The following HMG20B variants were observed in gnomAD, a reference collection of about 807,000 sequenced individuals.
HMG20B encodes high mobility group 20B.
A neutral mutation model predicts 41.6 loss-of-function variants in HMG20B; 24 were observed. The observed-to-expected ratio is 0.58, with a 90% CI of 0.42 to 0.81. The LOEUF is 0.81. HMG20B is among the 30% of genes least tolerant of loss of function. The pLI is 0.00. For synonymous variants in HMG20B, 251 were observed against 186.6 expected (o/e 1.34, Z -2.81); for missense variants, 461 against 444.0 (o/e 1.04, Z -0.34).
Position 3,574,593 on chromosome 19 carries a change from G to A in HMG20B, c.351+7G>A. ...GCAGCCAACGGAAAAGCAGGTGGGC[G>A]GGGCGGGGCGCCGAGCAGGGCTGGC... On this transcript the variant is annotated splice_region_variant and intron_variant, in intron 4 of 9. Coordinates refer to ENST00000333651, the MANE Select transcript of HMG20B (RefSeq NM_006339.3). The A allele has an allele frequency of 6.3e-7, 1 of 1,583,080 alleles. No individual in the cohort carries two copies.
intron 6 of HMG20B, 83 bp from the exon 7 acceptor site, chr19:3,576,470 G>A (rs2032164606): frequency 1.4e-6 from 2 of 1,404,596 alleles, no homozygotes; most frequent in Non-Finnish European, 2.0e-6. Context: ...TGTCCCAGGA[G>A]ACCCTCCTAG....
chr19:3,578,143 G>T, intron 9 of HMG20B, 30 bp downstream of exon 9: 1 of 1,602,286 alleles, frequency 6.2e-7, no homozygotes. Context: ...GGGCGGGGCC[G>T]GGGTTCAAGG....
At position 3,578,031 on chromosome 19, in the gene HMG20B, C is replaced by G; in HGVS notation, c.859C>G (p.Leu287Val). 6.2e-7 allele frequency: 1 copy of G among 1,609,692 alleles called. No individual in the cohort carries two copies. Among genetic ancestry groups the G allele is most frequent in the East Asian group, 2.2e-5 (1 of 44,798 alleles). ...CACTCTGGACTTCTACATGGCCCGG[C>G]TTCACGGAGCCATCGAGCGCGACCC... Reference protein sequence around the residue: ...LGTLDFYMARLHGAIERDPAQ... With the variant: ...LGTLDFYMARVHGAIERDPAQ... The change falls in exon 9 of 10, where the codon CTT becomes GTT. Residue 287 changes from leucine (L) to valine (V), a missense_variant. By Grantham distance (32) the Leu-to-Val change is conservative. This residue lies in a region of HMG20B where 308 missense variants were observed against 283.4 expected (regional missense o/e 1.09). Coordinates refer to ENST00000333651, the MANE Select transcript of HMG20B (RefSeq NM_006339.3).
At chr19:3,575,717 G>A (rs1300792285) in intron 5 of HMG20B, 57 bp downstream of exon 5, 56 of 1,466,030 alleles carry the variant, frequency 3.8e-5, no homozygotes, top group African/African-American at 5.6e-5. Flanking sequence ...TTGGGAGGCC[G>A]AGGCGGGTGT....
At chr19:3,574,258 G>T in intron 3 of HMG20B, 125 bp from the exon 4 acceptor site, 1 of 882,752 alleles carries the variant, frequency 1.1e-6, no homozygotes. Context: ...TCTTTTCCGG[G>T]TTCTTCCTCC....
intron 4 of HMG20B, 145 bp downstream of exon 4, chr19:3,574,731 T>TGTGTG: frequency 1.4e-6 from 1 of 713,754 alleles, no homozygotes; most frequent in South Asian, 1.9e-5. Context: ...TTTTTTTTTT[T>TGTGTG]TTTGTGAGAT....
At chr19:3,575,481 G>T in intron 4 of HMG20B, 59 bp from the exon 5 acceptor site, 1 of 1,550,714 alleles carries the variant, frequency 6.4e-7, no homozygotes, top group South Asian at 1.2e-5. Context: ...GAGTGATAAA[G>T]ACTGGATCCT....
chr19:3,573,547 G>A (rs964587070), intron 2 of HMG20B, 145 bp from the exon 3 acceptor site: 4 of 906,516 alleles, frequency 4.4e-6, no homozygotes, highest in South Asian at 1.9e-5. Context: ...ACCTTCCCCG[G>A]ATACTGACCC....
At position 3,578,643 on chromosome 19, in the gene HMG20B, G is replaced by A. The variant is rs762603111; in HGVS notation, c.*122G>A. 4.8e-6 allele frequency: 6 copies of A among 1,256,124 alleles called. No homozygotes were observed. The highest frequency in any genetic ancestry group is 2.5e-5 in the East Asian group (1 of 39,614). 77.8% of individuals were successfully genotyped at this position (1,256,124 alleles called of 1,614,324 possible). The stretch of plus-strand genomic sequence containing the variant: ...CCTGGTCCCATCCTGCACCTTGGGG[G>A]CTCCAGCCCCCCTAAAATTAAATTT... On this transcript the variant is annotated 3_prime_UTR_variant, in exon 10 of 10. Transcript: ENST00000333651.
rs1385967204 is a variant in HMG20B, at chr19:3,575,628, C to A, written c.440C>A (p.Thr147Lys). 1 of 1,551,414 alleles carries A rather than the reference C, an allele frequency of 6.4e-7. No individual in the cohort carries two copies. Among genetic ancestry groups the A allele is most frequent in the Non-Finnish European group, 8.7e-7 (1 of 1,147,078 alleles). Residue 147 changes from threonine to lysine, a missense_variant, in exon 5 of 10, where the codon ACG (threonine) becomes AAG (lysine). Thr to Lys is a moderately conservative substitution (Grantham distance 78). Transcript: ENST00000333651. ...YQQSEAYKMC[T>K]EKIQEKKIKK... is the part of the protein sequence containing the mutation. ...CAGTCTGAAGCCTATAAGATGTGCA[C>A]GGAGAAGATCCAGGAGAAGAAGATC...
intron 5 of HMG20B, chr19:3,576,003 G>A: frequency 1.7e-6 from 1 of 573,442 alleles, no homozygotes; most frequent in East Asian, 2.9e-5. Context: ...GCGAGCAGTT[G>A]GGGTCCTGCT....
chr19:3,578,593 G>A lies in HMG20B; in HGVS notation c.*72G>A. The A allele has an allele frequency of 6.5e-7, 1 of 1,540,116 alleles. No individual in the cohort carries two copies. Among genetic ancestry groups the A allele is most frequent in the Non-Finnish European group, 8.8e-7 (1 of 1,137,610 alleles). ...CTGCCACACCCCACCCCGTGGACGAGAGGCTGGGGGTCCACCCTTTGGGGC... is the reference window on the plus strand; with the variant it reads ...CTGCCACACCCCACCCCGTGGACGAAAGGCTGGGGGTCCACCCTTTGGGGC... On this transcript the variant is annotated 3_prime_UTR_variant, in exon 10 of 10. Coordinates refer to ENST00000333651, the MANE Select transcript of HMG20B (RefSeq NM_006339.3).
At chr19:3,575,211 TGTAA>T (rs1160718570) in intron 4 of HMG20B, among the ~76,000 whole-genome samples, 3 of 152,262 alleles carry the variant, frequency 2.0e-5, no homozygotes, top group East Asian at 1.9e-4. Context: ...TTTGCATCCC[TGTAA>T]GTGAGATTTC....
Position 3,576,922 on chromosome 19 carries a change from A to G in HMG20B, c.623A>G (p.Lys208Arg). Reference sequence around the variant, plus strand: ...GAGGCGGAGCTTCGGCGCTTGCGGAAGATGAATGTGGCCTTCGAGGAGCAG... The same window carrying G: ...GAGGCGGAGCTTCGGCGCTTGCGGAGGATGAATGTGGCCTTCGAGGAGCAG... Reference protein sequence around the residue: ...AREAELRRLRKMNVAFEEQNA... With the variant: ...AREAELRRLRRMNVAFEEQNA... Residue 208 changes from lysine (K) to arginine (R), a missense_variant, in exon 8 of 10, where the codon AAG becomes AGG. By Grantham distance (26) the Lys-to-Arg change is conservative (BLOSUM62 2). Around this residue, in one of 3 missense-constraint regions of HMG20B, gnomAD observed 308 missense variants for 283.4 expected, o/e 1.09. Coordinates refer to ENST00000333651, the MANE Select transcript of HMG20B (RefSeq NM_006339.3). 1 of 1,583,036 alleles carries G rather than the reference A, an allele frequency of 6.3e-7. No individual in the cohort carries two copies. The highest frequency in any genetic ancestry group is 8.6e-7 in the Non-Finnish European group (1 of 1,166,210).
chr19:3,573,641 G>C (rs969391984), intron 2 of HMG20B, 51 bp from the exon 3 acceptor site: 1 of 1,427,248 alleles, frequency 7.0e-7, no homozygotes, highest in African/African-American at 1.5e-5. Context: ...TGGGCTTTTG[G>C]GGGAGGGGAG....
intron 3 of HMG20B, 177 bp downstream of exon 3, chr19:3,573,977 A>G (rs773645133): frequency 2.7e-5 from 19 of 714,338 alleles, no homozygotes; most frequent in Non-Finnish European, 4.8e-5. Flanking sequence ...TGCCACTCTA[A>G]GTCCAGGCCC....
At position 3,576,213 on chromosome 19, in the gene HMG20B, T is replaced by A. The variant is rs369096744; in HGVS notation, c.473-48T>A. 3.2e-6 allele frequency: 5 copies of A among 1,587,142 alleles called. No homozygotes were observed. The African/African-American group carries it at 5.4e-5, about 17-fold the overall frequency. ...CGCTGACCTAGGGTGCAGGGCGTGG[T>A]CCCTGGAGGCCTGGGAGGCTGACCC... On this transcript the variant is annotated intron_variant, in intron 5 of 9. Coordinates refer to ENST00000333651, the MANE Select transcript of HMG20B (RefSeq NM_006339.3).
intron 8 of HMG20B, among the ~76,000 whole-genome samples, chr19:3,577,347 C>G (rs1394051144): frequency 2.0e-5 from 3 of 148,326 alleles, no homozygotes; most frequent in Non-Finnish European, 1.5e-5. Flanking sequence ...CACACCCGAG[C>G]TCCGCTCCGC....
At position 3,578,031 on chromosome 19, in the gene HMG20B, C is replaced by A; in HGVS notation, c.859C>A (p.Leu287Ile). The change falls in exon 9 of 10, where the codon CTT becomes ATT. Residue 287 changes from leucine (L) to isoleucine (I), a missense_variant. By Grantham distance (5) the Leu-to-Ile change is conservative. Coordinates refer to ENST00000333651, the MANE Select transcript of HMG20B (RefSeq NM_006339.3). ...CACTCTGGACTTCTACATGGCCCGG[C>A]TTCACGGAGCCATCGAGCGCGACCC... ...LGTLDFYMAR[L>I]HGAIERDPAQ... is the part of the protein sequence containing the mutation. 6.2e-7 allele frequency: 1 copy of A among 1,609,692 alleles called. No individual in the cohort carries two copies. The highest frequency in any genetic ancestry group is 8.5e-7 in the Non-Finnish European group (1 of 1,178,946).
Sources: gnomAD v4.1 joint callset for allele counts (sites outside exome capture counted in the v4.1 genomes callset) on GRCh38, gnomAD v4.1.1 for gene constraint, gnomAD v4.1.1 regional missense constraint, MANE v1.5 for transcripts, NCBI Gene and HGNC (gene_info 2026-07-23, HGNC 2026-07-21) for gene names.